Variants in C3 observed in about 807,000 individuals in gnomAD.
The protein encoded by C3 is complement C3.
Under a neutral mutation model 207.9 loss-of-function variants are expected in C3, and 97 were observed. The observed-to-expected ratio is 0.47, with a 90% CI of 0.40 to 0.55. C3 has a LOEUF of 0.55. Ranked by LOEUF, C3 falls within the 20% of genes least tolerant of loss-of-function variation. The probability of loss-of-function intolerance (pLI) is 0.00; values close to 1 mark genes in which losing one functional copy is unlikely to be tolerated. For synonymous variants in C3, 848 were observed against 857.6 expected (o/e 0.99, Z 0.20); for missense variants, 1,684 against 2,171.7 (o/e 0.78, Z 4.46).
At position 6,718,868 on chromosome 19, in the gene C3, C is replaced by G. The variant is rs1480036120; in HGVS notation, c.267+343G>C. On this transcript the variant is annotated intron_variant, in intron 2 of 40. Coordinates refer to ENST00000245907, the MANE Select transcript of C3 (RefSeq NM_000064.4). ...GTGGAGTCTCAGAGAAGGGGAGGAA[C>G]CTCAGAAGGGGTGGGGTCTCAGGGA... Among the ~76,000 whole-genome samples, 6 of 116,194 alleles carry G rather than the reference C, an allele frequency of 5.2e-5. No individual in the cohort carries two copies. The South Asian group carries it at 1.7e-3, about 32-fold the overall frequency. 76.2% of individuals were successfully genotyped at this position (116,194 alleles called of 152,430 possible). A position where few individuals can be genotyped will look rare whatever the true frequency, so the allele number is the denominator to read the frequency against.
chr19:6,696,573 T>A lies in C3; in HGVS notation c.2863+20A>T. The stretch of plus-strand genomic sequence containing the variant: ...CTTACCCTGCCAGCCCCTCAGCCCC[T>A]CCCCCTGCAGCCGACTCACCACGGC... On this transcript the variant is annotated intron_variant, in intron 22 of 40. Transcript: ENST00000245907. The A allele has an allele frequency of 6.2e-7, 1 of 1,609,446 alleles. No individual in the cohort carries two copies. The highest frequency in any genetic ancestry group is 8.5e-7 in the Non-Finnish European group (1 of 1,176,180).
chr19:6,717,291 G>C (rs1968051101), intron 4 of C3: 1 of 154,246 alleles, frequency 6.5e-6, no homozygotes. Flanking sequence ...CCGATATTCA[G>C]ATAAGGTAAC....
At position 6,697,527 on chromosome 19, in the gene C3, G is replaced by A. The variant is rs1422061114; in HGVS notation, c.2613C>T (p.Ala871=). 2 of 1,613,888 alleles carry A rather than the reference G, an allele frequency of 1.2e-6. No homozygotes were observed. The highest frequency in any genetic ancestry group is 4.5e-5 in the East Asian group (2 of 44,866). The change falls in exon 21 of 41, where the codon GCC becomes GCT. Residue 871 remains alanine, a synonymous_variant. Transcript: ENST00000245907. ...KVRVELLHNP[A]FCSLATTKRR... ...TCTTGGTGGTGGCCAGGCTGCAGAA[G>A]GCTGGATTGTGGAGTAGTTCCACCC...
chr19:6,717,606 TTTGTGTGTG>T (rs1968062932), intron 4 of C3: 1 of 261,754 alleles, frequency 3.8e-6, no homozygotes, highest in Non-Finnish European at 7.6e-6. Context: ...GTTGTGTGTG[TTTGTGTGTG>T]TTGTGTGATA....
intron 27 of C3, among the ~76,000 whole-genome samples, chr19:6,687,942 C>T (rs547991448): frequency 2.0e-5 from 3 of 151,544 alleles, no homozygotes; most frequent in East Asian, 3.9e-4. Flanking sequence ...CTGCAAGCTC[C>T]GCCTCTCGGG....
At chr19:6,710,254 GAGAGAGAGGGAGAGGGAA>G (rs1012723605) in intron 13 of C3, among the ~76,000 whole-genome samples, 4 of 116,142 alleles carry the variant, frequency 3.4e-5, no homozygotes, top group African/African-American at 9.6e-5. Context: ...GAGAAAGGGA[GAGAGAGAGGGAGAGGGAA>G]AGAGAGAGGG....
chr19:6,697,685 A>G lies in C3; in HGVS notation c.2550T>C (p.Val850=). 6.2e-7 allele frequency: 1 copy of G among 1,613,834 alleles called. No homozygotes were observed. Among genetic ancestry groups the G allele is most frequent in the Non-Finnish European group, 8.5e-7 (1 of 1,179,952 alleles). The change falls in exon 20 of 41, where the codon GTT becomes GTC. Residue 850 remains valine (V), a synonymous_variant. Transcript: ENST00000245907. ...CTTGGTTCTGCCGGTAATTGTAGAG[A>G]ACGGCTCGGATTTCCACCTGCTCGT... ...VRNEQVEIRA[V]LYNYRQNQEL... is the part of the protein sequence containing the mutation.
chr19:6,681,828 T>C (rs1407562394), intron 35 of C3, 113 bp downstream of exon 35: 1 of 835,908 alleles, frequency 1.2e-6, no homozygotes, highest in Non-Finnish European at 2.1e-6. Context: ...CTGTCTCCTC[T>C]GGCCCAGGGT....
At chr19:6,717,736 TTG>T (rs1361793121) in intron 4 of C3, 4 of 356,422 alleles carry the variant, frequency 1.1e-5, no homozygotes, top group Non-Finnish European at 2.0e-5. Flanking sequence ...GTTGTGTGTG[TTG>T]TGTGTTGTGT....
chr19:6,713,580 C>T, intron 7 of C3, 71 bp from the exon 8 acceptor site: 2 of 1,231,436 alleles, frequency 1.6e-6, no homozygotes, highest in South Asian at 2.5e-5. Flanking sequence ...GCTTCTCCTG[C>T]CTGTGCTGAA....
At chr19:6,692,015 C>CAT (rs1918180920) in intron 26 of C3, among the ~76,000 whole-genome samples, 1 of 151,526 alleles carries the variant, frequency 6.6e-6, no homozygotes, top group African/African-American at 2.4e-5. Context: ...CACACACACA[C>CAT]ACACACACAC....
intron 14 of C3, 60 bp from the exon 15 acceptor site, chr19:6,707,989 C>T (rs748011345): frequency 1.9e-6 from 3 of 1,599,502 alleles, no homozygotes; most frequent in Admixed American, 1.7e-5. Context: ...TGGGATCCCC[C>T]ACATATGCAC....
At chr19:6,707,970 G>T in intron 14 of C3, 41 bp from the exon 15 acceptor site, 1 of 1,610,060 alleles carries the variant, frequency 6.2e-7, no homozygotes. Flanking sequence ...GGGAGGCCAG[G>T]CTGACAATTG....
Position 6,713,516 on chromosome 19 carries a change from G to A in C3, c.774-7C>T. ...TTTCTTCCCGTAGAGGAACCTACGG[G>A]ACAGACAAGGAGGGCTTCAGGTCCA... On this transcript the variant is annotated splice_polypyrimidine_tract_variant and splice_region_variant and intron_variant, in intron 7 of 40. Transcript: ENST00000245907. 1 of 1,604,440 alleles carries A rather than the reference G, an allele frequency of 6.2e-7. No homozygotes were observed. Among genetic ancestry groups the A allele is most frequent in the Non-Finnish European group, 8.5e-7 (1 of 1,171,558 alleles).
At chr19:6,709,111 C>A (rs1452535713) in intron 14 of C3, among the ~76,000 whole-genome samples, 1 of 152,214 alleles carries the variant, frequency 6.6e-6, no homozygotes, top group Non-Finnish European at 1.5e-5. Flanking sequence ...CACTGAATGA[C>A]CCTGGGTGTG....
At chr19:6,708,624 C>G (rs772655912) in intron 14 of C3, among the ~76,000 whole-genome samples, 4 of 141,940 alleles carry the variant, frequency 2.8e-5, no homozygotes, top group Non-Finnish European at 6.1e-5. Flanking sequence ...TCCTCTTTAT[C>G]TCCTTTCTTT....
chr19:6,702,263 T>C (rs1406899208), intron 18 of C3, 51 bp from the exon 19 acceptor site: 2 of 1,247,148 alleles, frequency 1.6e-6, no homozygotes, highest in Non-Finnish European at 2.3e-6. Flanking sequence ...AGCAGGGTGG[T>C]AGAGGGGAAG....
At chr19:6,696,071 G>A (rs919409901) in intron 23 of C3, among the ~76,000 whole-genome samples, 7 of 151,814 alleles carry the variant, frequency 4.6e-5, no homozygotes, top group Admixed American at 1.3e-4. Context: ...TTAGCCGGGC[G>A]TGGTGGCGGG....
chr19:6,700,590 A>G (rs370318864), intron 19 of C3, among the ~76,000 whole-genome samples: 2,866 of 20,870 alleles, frequency 0.14, 15 homozygotes, highest in East Asian at 0.3. Flanking sequence ...TATGTAATAT[A>G]TAATATATGA....
Sources: allele counts gnomAD v4.1 joint callset (sites outside exome capture counted in the v4.1 genomes callset), GRCh38; gene constraint gnomAD v4.1.1; transcripts MANE v1.5; gene names NCBI Gene and HGNC (gene_info 2026-07-23, HGNC 2026-07-21).